The following ZDHHC2 variants were observed in gnomAD, a reference collection of about 807,000 sequenced individuals.
The protein encoded by ZDHHC2 is palmitoyltransferase ZDHHC2.
ZDHHC2 carries 51 observed loss-of-function variants against 55.6 expected under a neutral mutation model. The ratio of observed to expected loss-of-function variants is 0.92; its 90% CI spans 0.73 to 1.16. ZDHHC2 has a LOEUF of 1.16. Among genes scored for constraint, ZDHHC2 ranks in the 50% most tolerant of loss-of-function variants. The pLI, the probability that ZDHHC2 is intolerant of heterozygous loss-of-function variation, is 0.00. For synonymous variants in ZDHHC2, 199 were observed against 152.9 expected, an observed-to-expected ratio of 1.30 and a Z score of -2.22; for missense variants, 491 against 442.4, an observed-to-expected ratio of 1.11 and a Z score of -0.99.
chr8:17,160,562 G>A (rs1305377155), intron 1 of ZDHHC2, among the ~76,000 whole-genome samples: 1 of 152,210 alleles, frequency 6.6e-6, no homozygotes, highest in South Asian at 2.1e-4. Context: ...CTTAGCTGCT[G>A]TAATGCAGAT....
intron 2 of ZDHHC2, among the ~76,000 whole-genome samples, chr8:17,185,705 A>G (rs1805675171): frequency 6.6e-6 from 1 of 152,160 alleles, no homozygotes; most frequent in Non-Finnish European, 1.5e-5. Flanking sequence ...TAGTATTTCA[A>G]GACTTTATAA....
chr8:17,182,438 A>G (rs958988029), intron 1 of ZDHHC2, among the ~76,000 whole-genome samples: 2 of 152,174 alleles, frequency 1.3e-5, no homozygotes, highest in African/African-American at 4.8e-5. Context: ...CAAAAATTAA[A>G]CAGAGTTACG....
intron 3 of ZDHHC2, among the ~76,000 whole-genome samples, chr8:17,188,408 TTATACTC>T (rs1805838406): frequency 1.3e-5 from 2 of 152,210 alleles, no homozygotes; most frequent in African/African-American, 2.4e-5. Flanking sequence ...ACTTTATACT[TTATACTC>T]TAGTAGTTCT....
chr8:17,164,374 A>G (rs898971805), intron 1 of ZDHHC2, among the ~76,000 whole-genome samples: 15 of 152,210 alleles, frequency 9.9e-5, no homozygotes, highest in Non-Finnish European at 1.9e-4. Flanking sequence ...TGATTGGATT[A>G]CATTTTTAAA....
chr8:17,208,004 A>G lies in ZDHHC2; in HGVS notation c.642A>G (p.Leu214=). The G allele has an allele frequency of 6.3e-7, 1 of 1,593,672 alleles. No homozygotes were observed. The highest frequency in any genetic ancestry group is 8.6e-7 in the Non-Finnish European group (1 of 1,169,150). ...AAGCCAAGTTCCATATTATGTTTTT[A>G]TTCTTTGCTGCAGCTATGTTTTCTG... ...DTQAKFHIMF[L]FFAAAMFSVS... is the part of the protein sequence containing the mutation. Residue 214 remains leucine (L), a synonymous_variant, in exon 8 of 13, where the codon TTA becomes TTG. Coordinates refer to ENST00000262096, the MANE Select transcript of ZDHHC2 (RefSeq NM_016353.5).
intron 7 of ZDHHC2, among the ~76,000 whole-genome samples, chr8:17,207,157 GT>G (rs1807139804): frequency 3.3e-5 from 5 of 152,188 alleles, no homozygotes; most frequent in Admixed American, 3.3e-4. Context: ...CTTGTGACCG[GT>G]GTCATTTGGT....
intron 3 of ZDHHC2, among the ~76,000 whole-genome samples, chr8:17,187,595 A>C (rs541791487): frequency 8.6e-5 from 13 of 152,002 alleles, no homozygotes; most frequent in Non-Finnish European, 1.9e-4. Flanking sequence ...TTTTTCTTCT[A>C]TTCTCCACTT....
intron 6 of ZDHHC2, 94 bp downstream of exon 6, chr8:17,198,507 ATTAC>A: frequency 8.4e-7 from 1 of 1,189,832 alleles, no homozygotes; most frequent in Non-Finnish European, 1.1e-6. Flanking sequence ...CACATGAAAT[ATTAC>A]TTGAGTTGAC....
intron 1 of ZDHHC2, among the ~76,000 whole-genome samples, chr8:17,177,748 G>A (rs553502035): frequency 2.2e-4 from 26 of 120,312 alleles, no homozygotes; most frequent in African/African-American, 8.9e-4. Flanking sequence ...CTGTTTTGGG[G>A]TGTTTGTGTG....
At chr8:17,176,421 T>C (rs1318796570) in intron 1 of ZDHHC2, among the ~76,000 whole-genome samples, 1 of 152,154 alleles carries the variant, frequency 6.6e-6, no homozygotes, top group Non-Finnish European at 1.5e-5. Flanking sequence ...AGTTTGTTGT[T>C]AGAATGACTT....
At chr8:17,199,601 T>C (rs1006401440) in intron 6 of ZDHHC2, among the ~76,000 whole-genome samples, 1 of 23,354 alleles carries the variant, frequency 4.3e-5, no homozygotes, top group Non-Finnish European at 1.4e-4. Flanking sequence ...TCTTCTTCTT[T>C]ATTCTTTCTT....
chr8:17,177,753 T>G (rs989558544), intron 1 of ZDHHC2, among the ~76,000 whole-genome samples: 1 of 51,226 alleles, frequency 2.0e-5, no homozygotes, highest in Non-Finnish European at 3.0e-5. Context: ...TTGGGGTGTT[T>G]GTGTGTGTGT....
intron 6 of ZDHHC2, among the ~76,000 whole-genome samples, chr8:17,203,317 G>C (rs1438390997): frequency 6.6e-6 from 1 of 152,046 alleles, no homozygotes; most frequent in Non-Finnish European, 1.5e-5. Flanking sequence ...TGCAATCTCA[G>C]CCTCCTGGGT....
intron 1 of ZDHHC2, among the ~76,000 whole-genome samples, chr8:17,164,608 AC>A (rs1221262443): frequency 2.0e-5 from 3 of 152,140 alleles, no homozygotes; most frequent in South Asian, 2.1e-4. Context: ...AAAAAAAAAA[AC>A]CTTTTTCTCT....
intron 1 of ZDHHC2, among the ~76,000 whole-genome samples, chr8:17,159,726 T>C (rs1804237208): frequency 6.6e-6 from 1 of 152,136 alleles, no homozygotes; most frequent in South Asian, 2.1e-4. Context: ...TATTTTTGGT[T>C]AAGTCAGCTT....
Position 17,222,916 on chromosome 8 carries a change from G to A in ZDHHC2, c.*2695G>A, listed in dbSNP as rs1807981717. 6.6e-6 allele frequency: 1 copy of A among 151,854 alleles called. No homozygotes were observed. The highest frequency in any genetic ancestry group is 6.6e-5 in the Admixed American group (1 of 15,234). The allele number at this position is 151,854 out of a possible 1,614,324, so 9.4% of individuals were successfully genotyped here. A position where few individuals can be genotyped will look rare whatever the true frequency, so the allele number is the denominator to read the frequency against. On this transcript the variant is annotated 3_prime_UTR_variant, in exon 13 of 13. Coordinates refer to ENST00000262096, the MANE Select transcript of ZDHHC2 (RefSeq NM_016353.5). The stretch of plus-strand genomic sequence containing the variant: ...AAGGTATTTACTTTGTAGTAGTTAA[G>A]TGATTCTGAGGACAATTAGAAACAG...
chr8:17,210,156 C>G (rs1807305614), intron 9 of ZDHHC2, 98 bp downstream of exon 9: 3 of 1,352,740 alleles, frequency 2.2e-6, no homozygotes, highest in East Asian at 2.5e-5. Flanking sequence ...GCTTGTAATT[C>G]TGTGTAGGAA....
intron 1 of ZDHHC2, among the ~76,000 whole-genome samples, chr8:17,176,181 A>G (rs1805120297): frequency 6.6e-6 from 1 of 152,044 alleles, no homozygotes; most frequent in Non-Finnish European, 1.5e-5. Context: ...ATTTTCAGGG[A>G]ATTGTGTGGG....
intron 1 of ZDHHC2, among the ~76,000 whole-genome samples, chr8:17,163,416 G>A (rs143592508): frequency 1.4e-3 from 216 of 152,226 alleles, no homozygotes; most frequent in African/African-American, 5.0e-3. Context: ...GTGTGCTAGC[G>A]GGGAAAAAAG....
Sources: gnomAD v4.1 joint callset for allele counts (sites outside exome capture counted in the v4.1 genomes callset) on GRCh38, gnomAD v4.1.1 for gene constraint, MANE v1.5 for transcripts, NCBI Gene and HGNC (gene_info 2026-07-23, HGNC 2026-07-21) for gene names.